The following TRPS1 variants were observed in gnomAD, a reference collection of about 807,000 sequenced individuals.
TRPS1 encodes the protein transcriptional repressor GATA binding 1.
TRPS1 carries 6 observed loss-of-function variants against 101.2 expected under a neutral mutation model. That is an observed-to-expected ratio of 0.06 (90% CI 0.03 to 0.12). TRPS1 has a LOEUF of 0.12. Ranked by LOEUF, TRPS1 falls within the 10% of genes least tolerant of loss-of-function variation. The pLI, the probability that TRPS1 is intolerant of heterozygous loss-of-function variation, is 1.00. For missense variants in TRPS1, 1,363 were observed against 1,567.0 expected, an observed-to-expected ratio of 0.87 and a Z score of 2.20; for synonymous variants, 578 against 589.8, an observed-to-expected ratio of 0.98 and a Z score of 0.29.
chr8:115,434,145 G>A (rs1201135469), intron 5 of TRPS1, among the ~76,000 whole-genome samples: 1 of 152,088 alleles, frequency 6.6e-6, no homozygotes, highest in Non-Finnish European at 1.5e-5. Context: ...ACATAAACAT[G>A]TATTTTACAT....
intron 5 of TRPS1, among the ~76,000 whole-genome samples, chr8:115,536,364 C>CA (rs1250673598): frequency 4.9e-4 from 73 of 150,108 alleles, no homozygotes; most frequent in African/African-American, 1.4e-3. Flanking sequence ...ACTAAAAATA[C>CA]AAAAAAAAAT....
chr8:115,419,082 AG>A (rs1349225167), intron 5 of TRPS1, among the ~76,000 whole-genome samples: 1 of 152,206 alleles, frequency 6.6e-6, no homozygotes, highest in Non-Finnish European at 1.5e-5. Flanking sequence ...AACCCTTATG[AG>A]GTGCCCACTT....
intron 3 of TRPS1, 48 bp downstream of exon 3, chr8:115,619,084 C>A (rs1424038890): frequency 3.8e-6 from 6 of 1,599,366 alleles, no homozygotes; most frequent in Non-Finnish European, 5.1e-6. Flanking sequence ...ATTCACATTT[C>A]ATTTCTAATA....
intron 5 of TRPS1, among the ~76,000 whole-genome samples, chr8:115,496,237 G>A (rs925320470): frequency 6.6e-5 from 10 of 152,058 alleles, no homozygotes; most frequent in African/African-American, 1.2e-4. Flanking sequence ...AATAGAACCC[G>A]GTACTAATTG....
intron 5 of TRPS1, among the ~76,000 whole-genome samples, chr8:115,449,554 G>C (rs780087551): frequency 7.9e-5 from 12 of 152,196 alleles, no homozygotes; most frequent in Non-Finnish European, 1.5e-4. Context: ...GCAACTGTCT[G>C]AGTAATGTTG....
chr8:115,524,319 C>CT (rs139406462), intron 5 of TRPS1, among the ~76,000 whole-genome samples: 2,805 of 70,676 alleles, frequency 0.04, 7 homozygotes, highest in Middle Eastern at 0.057. Flanking sequence ...CTTCTTCTTC[C>CT]TTTTTTTTTT....
At chr8:115,468,464 A>C (rs1379928945) in intron 5 of TRPS1, among the ~76,000 whole-genome samples, 5 of 152,238 alleles carry the variant, frequency 3.3e-5, no homozygotes, top group Non-Finnish European at 7.3e-5. Context: ...TGAGAGGGAC[A>C]GGATGGAAAA....
chr8:115,513,381 T>A (rs1419155695), intron 5 of TRPS1, among the ~76,000 whole-genome samples: 2 of 151,648 alleles, frequency 1.3e-5, no homozygotes, highest in African/African-American at 4.8e-5. Context: ...TACATCATGA[T>A]CTCATTTGTG....
chr8:115,619,553 C>T lies in TRPS1; in HGVS notation c.545G>A (p.Ser182Asn), dbSNP rs779870518. Residue 182 changes from serine to asparagine, a missense_variant, in exon 3 of 7, where the codon AGT becomes AAT. Physicochemically the swap from Ser to Asn is conservative, Grantham distance 46. This residue lies in a region of TRPS1 where 1,020 missense variants were observed against 1,073.0 expected (regional missense o/e 0.95). Coordinates refer to ENST00000395715, the MANE Select transcript of TRPS1 (RefSeq NM_014112.5). ...CAAACCTTGACAATTGGCTTGACCA[C>T]TCTGTGCTTGCCCTGTTTCCTCTGT... is the stretch of plus-strand genomic sequence containing the variant. The part of the protein sequence containing the change: ...KATEETGQAQ[S>N]GQANCQGLSP... 3 of 1,614,164 alleles carry T rather than the reference C, an allele frequency of 1.9e-6. No individual in the cohort carries two copies. In the South Asian group the frequency reaches 3.3e-5, roughly 18 times the overall value.
chr8:115,638,910 C>T (rs746905771), intron 1 of TRPS1, among the ~76,000 whole-genome samples: 7 of 152,028 alleles, frequency 4.6e-5, no homozygotes, highest in Non-Finnish European at 8.8e-5. Context: ...GCTATAATTT[C>T]TTATATTCCT....
At chr8:115,662,740 T>TA (rs771208083) in intron 1 of TRPS1, among the ~76,000 whole-genome samples, 2 of 149,892 alleles carry the variant, frequency 1.3e-5, no homozygotes, top group East Asian at 1.9e-4. Flanking sequence ...TAAATAGGGT[T>TA]AAAAAATTAT....
chr8:115,627,261 A>T (rs192692629), intron 1 of TRPS1, among the ~76,000 whole-genome samples: 2 of 151,918 alleles, frequency 1.3e-5, no homozygotes, highest in African/African-American at 4.8e-5. Context: ...TTCACTGTGC[A>T]AATTGAGAAA....
At chr8:115,664,857 A>G (rs1274442574) in intron 1 of TRPS1, among the ~76,000 whole-genome samples, 1 of 152,160 alleles carries the variant, frequency 6.6e-6, no homozygotes, top group African/African-American at 2.4e-5. Flanking sequence ...AAAGGCAAAT[A>G]CCAAGTGGAA....
intron 5 of TRPS1, among the ~76,000 whole-genome samples, chr8:115,487,268 G>T (rs1392933322): frequency 2.0e-5 from 3 of 148,094 alleles, no homozygotes; most frequent in African/African-American, 7.3e-5. Flanking sequence ...AAAAAAAAAA[G>T]ATTCCTTTCA....
Position 115,418,508 on chromosome 8 carries a change from A to T in TRPS1, c.2701-56T>A, listed in dbSNP as rs199728627. 5.6e-6 allele frequency: 9 copies of T among 1,613,408 alleles called. No individual in the cohort carries two copies. The East Asian group carries it at 1.8e-4, about 32-fold the overall frequency. On this transcript the variant is annotated intron_variant, in intron 5 of 6. Transcript: ENST00000395715. This position sits in a 1 kb window ranked among gnomAD's most constrained non-coding sequence, Gnocchi z 4.3. ...GGTGAGTCACATGATCAGTGGAGTT[A>T]GACCAAATCAACCCAGGAGTTTTGT...
At chr8:115,535,361 ACATATATATAG>A (rs1563583388) in intron 5 of TRPS1, among the ~76,000 whole-genome samples, 4 of 117,612 alleles carry the variant, frequency 3.4e-5, no homozygotes, top group East Asian at 2.8e-4. Context: ...TATACATAGC[ACATATATATAG>A]CATATATATA....
At chr8:115,582,923 C>T (rs957657875) in intron 5 of TRPS1, among the ~76,000 whole-genome samples, 2 of 152,128 alleles carry the variant, frequency 1.3e-5, no homozygotes, top group Admixed American at 6.5e-5. Context: ...CTATAACATT[C>T]CGTTTTGACA....
At chr8:115,464,213 C>T (rs1461349998) in intron 5 of TRPS1, among the ~76,000 whole-genome samples, 1 of 151,994 alleles carries the variant, frequency 6.6e-6, no homozygotes, top group Non-Finnish European at 1.5e-5. Context: ...AAGTAAATTT[C>T]TTGCTTTTCA....
At chr8:115,565,766 G>A (rs1436045636) in intron 5 of TRPS1, among the ~76,000 whole-genome samples, 2 of 152,040 alleles carry the variant, frequency 1.3e-5, no homozygotes, top group Non-Finnish European at 2.9e-5. Flanking sequence ...AGCTTTACTA[G>A]CTGTGCTCAC....
Sources: gnomAD v4.1 joint callset for allele counts (sites outside exome capture counted in the v4.1 genomes callset) on GRCh38, gnomAD v4.1.1 for gene constraint, gnomAD v4.1.1 regional missense constraint, Gnocchi (gnomAD v3.1) non-coding constraint, MANE v1.5 for transcripts, NCBI Gene and HGNC (gene_info 2026-07-23, HGNC 2026-07-21) for gene names.